Variants in VSIG10 observed in about 807,000 individuals in gnomAD.
VSIG10 encodes the protein V-set and immunoglobulin domain containing 10.
Under a neutral mutation model 58.7 loss-of-function variants are expected in VSIG10, and 48 were observed. That is an observed-to-expected ratio of 0.82 (90% CI 0.65 to 1.04). The LOEUF is 1.04. Among genes scored for constraint, VSIG10 ranks in the 50% least tolerant of loss-of-function variants. The probability of loss-of-function intolerance (pLI) is 0.00; values close to 1 mark genes in which losing one functional copy is unlikely to be tolerated. For synonymous variants in VSIG10, 260 were observed against 267.1 expected (o/e 0.97, Z 0.26); for missense variants, 628 against 670.0 (o/e 0.94, Z 0.69).
intron 3 of VSIG10, among the ~76,000 whole-genome samples, chr12:118,080,833 G>A (rs1593511984): frequency 6.6e-6 from 1 of 152,292 alleles, no homozygotes; most frequent in East Asian, 1.9e-4. Flanking sequence ...AAACCCACAG[G>A]GACAGAATGC....
intron 3 of VSIG10, among the ~76,000 whole-genome samples, chr12:118,080,935 T>A (rs745609753): frequency 1.3e-5 from 2 of 152,098 alleles, no homozygotes; most frequent in Non-Finnish European, 2.9e-5. Context: ...AATGGTTATC[T>A]GGGATAACAA....
chr12:118,078,288 A>T (rs939126862), intron 4 of VSIG10, among the ~76,000 whole-genome samples: 1 of 151,962 alleles, frequency 6.6e-6, no homozygotes, highest in Non-Finnish European at 1.5e-5. Context: ...CCTCCCGAGT[A>T]GCTGGGACTA....
At chr12:118,089,490 G>C (rs1352755094) in intron 2 of VSIG10, among the ~76,000 whole-genome samples, 1 of 152,190 alleles carries the variant, frequency 6.6e-6, no homozygotes, top group East Asian at 1.9e-4. Flanking sequence ...TTGATGAGAT[G>C]GACAGGAAGC....
chr12:118,100,365 C>T (rs1416867469), intron 1 of VSIG10, among the ~76,000 whole-genome samples: 1 of 152,022 alleles, frequency 6.6e-6, no homozygotes. Flanking sequence ...GGCGTGGTGG[C>T]GCACACCTGT....
chr12:118,087,584 C>T (rs552160332), intron 2 of VSIG10, among the ~76,000 whole-genome samples: 1 of 152,152 alleles, frequency 6.6e-6, no homozygotes, highest in East Asian at 1.9e-4. Context: ...TATCTGTAAG[C>T]CCAGCACTTT....
chr12:118,095,820 C>A lies in VSIG10; in HGVS notation c.80-6G>T, dbSNP rs766506144. 3 of 1,602,848 alleles carry A rather than the reference C, an allele frequency of 1.9e-6. No homozygotes were observed. Among genetic ancestry groups the A allele is most frequent in the South Asian group, 2.2e-5 (2 of 89,250 alleles). Reference sequence around the variant, plus strand: ...AATGACAACAGCCTCCAATCCTGTACAAGGCAAGATCAGGCTGTTACTACC... The same window carrying A: ...AATGACAACAGCCTCCAATCCTGTAAAAGGCAAGATCAGGCTGTTACTACC... On this transcript the variant is annotated splice_polypyrimidine_tract_variant and splice_region_variant and intron_variant, in intron 1 of 8. Coordinates refer to ENST00000359236, the MANE Select transcript of VSIG10 (RefSeq NM_019086.6).
At chr12:118,103,509 C>T in intron 1 of VSIG10, 84 bp downstream of exon 1, 2 of 1,346,822 alleles carry the variant, frequency 1.5e-6, no homozygotes, top group South Asian at 1.4e-5. Context: ...CGGGCGGAGT[C>T]GGAGGGAATT....
chr12:118,077,235 C>T (rs1267438550), intron 4 of VSIG10, among the ~76,000 whole-genome samples: 2 of 152,116 alleles, frequency 1.3e-5, no homozygotes, highest in Non-Finnish European at 2.9e-5. Context: ...CTCAGGGCCT[C>T]TGCGTTTGCT....
chr12:118,074,090 G>GTTTTT (rs1274126739), intron 4 of VSIG10, 98 bp from the exon 5 acceptor site: 2 of 1,402,036 alleles, frequency 1.4e-6, no homozygotes, highest in Non-Finnish European at 9.5e-7. Context: ...GTTTTGTTTT[G>GTTTTT]TTTTGTTTTG....
At chr12:118,074,113 T>C in intron 4 of VSIG10, 121 bp from the exon 5 acceptor site, 1 of 1,076,782 alleles carries the variant, frequency 9.3e-7, no homozygotes, top group Non-Finnish European at 1.3e-6. Context: ...ATGGAGGTTT[T>C]GCTCTGTTGC....
rs528012734 is a variant in VSIG10, at chr12:118,068,251, T to TCTTGAA, written c.1567+120_1567+125dup. The TCTTGAA allele has an allele frequency of 8.6e-3, 6,228 of 722,282 alleles. 45 individuals carry two copies. Among genetic ancestry groups the TCTTGAA allele is most frequent in the Middle Eastern group, 0.028 (69 of 2,440 alleles). The allele number at this position is 722,282 out of a possible 1,614,324, so 44.7% of individuals were successfully genotyped here. On this transcript the variant is annotated intron_variant, in intron 8 of 8. Transcript: ENST00000359236. ...AGTCTCACCATGTTGCCCAGGCTAG[T>TCTTGAA]CTTGAACTTCTGGGCTTAAGTGATC...
At chr12:118,100,690 C>T (rs979213433) in intron 1 of VSIG10, among the ~76,000 whole-genome samples, 4 of 152,038 alleles carry the variant, frequency 2.6e-5, no homozygotes, top group Admixed American at 6.6e-5. Context: ...CATCATGCCC[C>T]GCTAAGTTTT....
At chr12:118,079,234 A>G in intron 4 of VSIG10, 112 bp downstream of exon 4, 1 of 1,417,952 alleles carries the variant, frequency 7.1e-7, no homozygotes, top group Non-Finnish European at 9.4e-7. Flanking sequence ...GAAGGAATTC[A>G]GTCCACCCTG....
chr12:118,072,486 AGGAGG>A (rs957895846), intron 5 of VSIG10, among the ~76,000 whole-genome samples: 1 of 147,276 alleles, frequency 6.8e-6, no homozygotes, highest in African/African-American at 2.5e-5. Flanking sequence ...AGAAAGAAAG[AGGAGG>A]GGAGGGGAGG....
chr12:118,094,315 G>A lies in VSIG10; in HGVS notation c.361+1218C>T, dbSNP rs559286739. Among the ~76,000 whole-genome samples, 9 of 152,308 alleles carry A rather than the reference G, an allele frequency of 5.9e-5. No homozygotes were observed. In the South Asian group the frequency reaches 1.9e-3, roughly 32 times the overall value. ...ATAAAATGATATTAATAGCAAAGAT[G>A]ATATTAACAACAAGCTAAAAATAAA... On this transcript the variant is annotated intron_variant, in intron 2 of 8. Transcript: ENST00000359236.
At chr12:118,099,457 T>TA (rs943530000) in intron 1 of VSIG10, among the ~76,000 whole-genome samples, 17 of 151,574 alleles carry the variant, frequency 1.1e-4, no homozygotes, top group African/African-American at 1.9e-4. Context: ...CCCTGACTCA[T>TA]AAAAAAAGAC....
chr12:118,100,242 T>C (rs1295555340), intron 1 of VSIG10, among the ~76,000 whole-genome samples: 2 of 151,610 alleles, frequency 1.3e-5, no homozygotes, highest in Non-Finnish European at 2.9e-5. Flanking sequence ...TGGTGGCTCC[T>C]GCCTGTAACC....
chr12:118,084,975 C>T (rs997223902), intron 2 of VSIG10, among the ~76,000 whole-genome samples: 57 of 152,074 alleles, frequency 3.7e-4, no homozygotes, highest in Non-Finnish European at 7.1e-4. Flanking sequence ...GCCGAGATCG[C>T]GCCACTGCAC....
intron 1 of VSIG10, among the ~76,000 whole-genome samples, chr12:118,100,686 G>C (rs1332470167): frequency 6.6e-6 from 1 of 152,054 alleles, no homozygotes; most frequent in Non-Finnish European, 1.5e-5. Flanking sequence ...CCGCCATCAT[G>C]CCCCGCTAAG....
Sources: gnomAD v4.1 joint callset for allele counts (sites outside exome capture counted in the v4.1 genomes callset) on GRCh38, gnomAD v4.1.1 for gene constraint, MANE v1.5 for transcripts, NCBI Gene and HGNC (gene_info 2026-07-23, HGNC 2026-07-21) for gene names.